Variants in STK32B observed in about 807,000 individuals in gnomAD.
STK32B encodes the protein serine/threonine kinase 32B, also known as serine/threonine-protein kinase 32B.
A neutral mutation model predicts 52.6 loss-of-function variants in STK32B; 43 were observed. That is an observed-to-expected ratio of 0.82 (90% CI 0.64 to 1.05). STK32B has a LOEUF of 1.05. Among genes scored for constraint, STK32B ranks in the 50% least tolerant of loss-of-function variants. STK32B has a pLI of 0.00. For missense variants in STK32B, 621 were observed against 534.6 expected (o/e 1.16, Z -1.59); for synonymous variants, 238 against 204.3 (o/e 1.17, Z -1.41).
chr4:5,226,670 CA>C, intron 3 of STK32B, among the ~76,000 whole-genome samples: 1 of 152,254 alleles, frequency 6.6e-6, no homozygotes, highest in South Asian at 2.1e-4. Flanking sequence ...ATAACGGCCC[CA>C]AAGCACAAGA....
At chr4:5,253,323 A>G (rs907814445) in intron 3 of STK32B, among the ~76,000 whole-genome samples, 1 of 152,122 alleles carries the variant, frequency 6.6e-6, no homozygotes, top group African/African-American at 2.4e-5. Flanking sequence ...GGCAAAGGCG[A>G]TTACTTTTTC....
chr4:5,433,708 A>G (rs1713788406), intron 6 of STK32B, among the ~76,000 whole-genome samples: 1 of 152,218 alleles, frequency 6.6e-6, no homozygotes, highest in Admixed American at 6.5e-5. Flanking sequence ...CTCGCAGGCT[A>G]GATGTTGAAT....
intron 1 of STK32B, among the ~76,000 whole-genome samples, chr4:5,138,809 G>A (rs1055940625): frequency 1.3e-5 from 2 of 152,350 alleles, no homozygotes; most frequent in Admixed American, 6.5e-5. Context: ...AGAGAACAAG[G>A]GTAGGGCAAG....
chr4:5,094,704 A>G (rs952876199), intron 1 of STK32B, among the ~76,000 whole-genome samples: 1 of 152,144 alleles, frequency 6.6e-6, no homozygotes, highest in Non-Finnish European at 1.5e-5. Flanking sequence ...ATATGTGTTA[A>G]TCTATGGTTT....
chr4:5,128,338 A>G (rs2108818256), intron 1 of STK32B, among the ~76,000 whole-genome samples: 1 of 152,350 alleles, frequency 6.6e-6, no homozygotes, highest in East Asian at 1.9e-4. Context: ...TTTGCTTTCG[A>G]GGAATCGATA....
At chr4:5,096,632 T>A (rs1263036690) in intron 1 of STK32B, among the ~76,000 whole-genome samples, 1 of 152,192 alleles carries the variant, frequency 6.6e-6, no homozygotes, top group Non-Finnish European at 1.5e-5. Context: ...TGGTGTTTTT[T>A]CTTTGCTAAT....
intron 1 of STK32B, among the ~76,000 whole-genome samples, chr4:5,099,404 T>C (rs895681): frequency 0.37 from 56,388 of 151,710 alleles, 11,047 homozygotes; most frequent in Middle Eastern, 0.46. Context: ...TGAATTGAAG[T>C]GTCTACCAGC....
intron 1 of STK32B, among the ~76,000 whole-genome samples, chr4:5,074,953 T>G (rs1183906859): frequency 6.6e-6 from 1 of 152,170 alleles, no homozygotes; most frequent in Admixed American, 6.6e-5. Flanking sequence ...CTTCAAACTC[T>G]ATGTCTCCAA....
At chr4:5,296,241 G>T (rs1251358618) in intron 3 of STK32B, among the ~76,000 whole-genome samples, 1 of 152,196 alleles carries the variant, frequency 6.6e-6, no homozygotes, top group African/African-American at 2.4e-5. Flanking sequence ...ATATTCTGTT[G>T]ATTTGGGGTG....
upstream of STK32B, among the ~76,000 whole-genome samples, chr4:5,047,931 C>A (rs930925745): frequency 5.3e-5 from 8 of 152,100 alleles, no homozygotes; most frequent in African/African-American, 1.2e-4. Flanking sequence ...CAGTAAGTGT[C>A]TTTTCAAGAG....
At chr4:5,373,930 C>G (rs1343148399) in intron 4 of STK32B, among the ~76,000 whole-genome samples, 1 of 152,192 alleles carries the variant, frequency 6.6e-6, no homozygotes, top group Non-Finnish European at 1.5e-5. Flanking sequence ...TAATGTCCAC[C>G]TGAGACCTCA....
At chr4:5,051,976 C>T in intron 1 of STK32B, 61 bp downstream of exon 1, 1 of 1,549,564 alleles carries the variant, frequency 6.5e-7, no homozygotes, top group Non-Finnish European at 8.7e-7. Flanking sequence ...CCACCACCCT[C>T]GGCCGAGCCC....
At chr4:5,290,995 A>G (rs1435273090) in intron 3 of STK32B, among the ~76,000 whole-genome samples, 2 of 152,166 alleles carry the variant, frequency 1.3e-5, no homozygotes, top group African/African-American at 4.8e-5. Context: ...ATCAAAATCA[A>G]TTCATCATAA....
chr4:5,297,418 C>G (rs2108891309), intron 3 of STK32B, among the ~76,000 whole-genome samples: 1 of 152,136 alleles, frequency 6.6e-6, no homozygotes, highest in Middle Eastern at 3.4e-3. Context: ...GTACACCAAT[C>G]TGTTGTAGTT....
At chr4:5,211,716 G>T (rs1722915158) in intron 3 of STK32B, among the ~76,000 whole-genome samples, 1 of 152,176 alleles carries the variant, frequency 6.6e-6, no homozygotes, top group Non-Finnish European at 1.5e-5. Flanking sequence ...CCTCTCTGGG[G>T]AAGAAAGAAC....
chr4:5,168,176 C>G, intron 2 of STK32B, 123 bp from the exon 3 acceptor site: 1 of 1,312,386 alleles, frequency 7.6e-7, no homozygotes, highest in Non-Finnish European at 1.0e-6. Flanking sequence ...AGCTGCTCCC[C>G]TAGCAGATTT....
chr4:5,121,922 C>G (rs2108811629), intron 1 of STK32B, among the ~76,000 whole-genome samples: 1 of 152,306 alleles, frequency 6.6e-6, no homozygotes, highest in Non-Finnish European at 1.5e-5. Context: ...AGAACACAGC[C>G]CAGGCCTGTC....
intron 4 of STK32B, among the ~76,000 whole-genome samples, chr4:5,353,787 T>C (rs1208974691): frequency 6.6e-6 from 1 of 152,216 alleles, no homozygotes; most frequent in East Asian, 1.9e-4. Context: ...GATACACTGT[T>C]GGTGGGAATG....
At chr4:5,036,899 C>A in the STK32B span, among the ~76,000 whole-genome samples, 1 of 151,938 alleles carries the variant, frequency 6.6e-6, no homozygotes, top group Non-Finnish European at 1.5e-5. Flanking sequence ...AACTCCTGAC[C>A]TCGTGATCTG....
Sources: allele counts gnomAD v4.1 joint callset (sites outside exome capture counted in the v4.1 genomes callset), GRCh38; gene constraint gnomAD v4.1.1; transcripts MANE v1.5; gene names NCBI Gene and HGNC (gene_info 2026-07-23, HGNC 2026-07-21).